Variants in ADGRF1 observed in about 807,000 individuals in gnomAD.
ADGRF1 encodes adhesion G protein-coupled receptor F1, also known as G protein-coupled receptor 110.
A neutral mutation model predicts 87.2 loss-of-function variants in ADGRF1; 85 were observed. The observed-to-expected ratio is 0.97, with a 90% CI of 0.82 to 1.17. The LOEUF (loss-of-function observed/expected upper bound fraction) is 1.17. Among genes scored for constraint, ADGRF1 ranks in the 50% most tolerant of loss-of-function variants. The pLI is 0.00. For missense variants in ADGRF1, 1,169 were observed against 1,077.2 expected (o/e 1.09, Z -1.19); for synonymous variants, 430 against 408.8 (o/e 1.05, Z -0.63).
chr6:47,007,296 T>C lies in ADGRF1; in HGVS notation c.2491-2A>G. ...TCCAAAGCATAAGATAAAAAATCCC[T>C]TTAAAAAGAAAGGAATAAATCACAT... On this transcript the variant is annotated splice_acceptor_variant, in intron 11 of 14. Transcript: ENST00000371253. LOFTEE classifies it high-confidence loss of function. The C allele has an allele frequency of 1.3e-6, 2 of 1,514,478 alleles. No individual in the cohort carries two copies. Among genetic ancestry groups the C allele is most frequent in the Non-Finnish European group, 1.8e-6 (2 of 1,091,894 alleles). The allele number at this position is 1,514,478 out of a possible 1,614,324, so 93.8% of individuals were successfully genotyped here.
At chr6:47,017,771 A>T (rs1779925752) in intron 7 of ADGRF1, 1 of 152,204 alleles carries the variant, frequency 6.6e-6, no homozygotes, top group South Asian at 2.1e-4. Context: ...GATAAAAATC[A>T]TACAAGTGGT....
intron 5 of ADGRF1, among the ~76,000 whole-genome samples, chr6:47,023,755 T>C (rs1367283253): frequency 1.3e-5 from 2 of 152,192 alleles, no homozygotes; most frequent in Non-Finnish European, 2.9e-5. Flanking sequence ...GTTCCTCTTT[T>C]TGGAATTTTA....
chr6:47,027,887 C>T lies in ADGRF1; in HGVS notation c.70-126G>A, dbSNP rs1045027742. On this transcript the variant is annotated intron_variant, in intron 2 of 14. Transcript: ENST00000371253. Reference sequence around the variant, plus strand: ...ATCCAAGCCAGGGATGGTGGAGAGGCGGCCAGGGAAGGCCTCACTGGAGCA... The same window carrying T: ...ATCCAAGCCAGGGATGGTGGAGAGGTGGCCAGGGAAGGCCTCACTGGAGCA... The T allele has an allele frequency of 6.9e-5, 48 of 693,802 alleles. 1 individual carries two copies. Among genetic ancestry groups the T allele is most frequent in the South Asian group, 3.7e-4 (21 of 57,502 alleles). The allele number at this position is 693,802 out of a possible 1,614,324, so 43.0% of individuals were successfully genotyped here. A position where few individuals can be genotyped will look rare whatever the true frequency, so the allele number is the denominator to read the frequency against.
chr6:47,005,914 TACAATCATACACAG>T, intron 12 of ADGRF1, 38 bp from the exon 13 acceptor site: 1 of 1,361,870 alleles, frequency 7.3e-7, no homozygotes, highest in Non-Finnish European at 1.0e-6. Flanking sequence ...GAGATACACA[TACAATCATACACAG>T]ACAAATCAAG....
At chr6:47,030,788 A>C (rs1171520311) in intron 1 of ADGRF1, among the ~76,000 whole-genome samples, 1 of 149,822 alleles carries the variant, frequency 6.7e-6, no homozygotes, top group African/African-American at 2.5e-5. Flanking sequence ...TTTGAGATGG[A>C]GTTTCTCTCT....
At chr6:47,036,549 A>G (rs1234115) in intron 1 of ADGRF1, among the ~76,000 whole-genome samples, 18,858 of 152,166 alleles carry the variant, frequency 0.12, 1,750 homozygotes, top group East Asian at 0.4. Context: ...ACCTTTATAC[A>G]TAAATGGTCA....
intron 10 of ADGRF1, among the ~76,000 whole-genome samples, 158 bp downstream of exon 10, chr6:47,011,849 G>A (rs1028603149): frequency 1.3e-5 from 2 of 152,122 alleles, no homozygotes; most frequent in African/African-American, 2.4e-5. Context: ...TATTGATCCC[G>A]AGTTCCTTGT....
At chr6:47,034,158 G>A (rs754764128) in intron 1 of ADGRF1, among the ~76,000 whole-genome samples, 2 of 152,154 alleles carry the variant, frequency 1.3e-5, no homozygotes, top group Non-Finnish European at 2.9e-5. Flanking sequence ...TGTGGGCTCG[G>A]TTTCCTCCTT....
chr6:47,040,304 C>T (rs1354910121), intron 1 of ADGRF1, among the ~76,000 whole-genome samples: 2 of 151,848 alleles, frequency 1.3e-5, no homozygotes, highest in African/African-American at 4.8e-5. Flanking sequence ...AACCCTGTCT[C>T]TAATAAAAAT....
At chr6:47,023,993 T>G (rs762432987) in intron 5 of ADGRF1, 51 bp downstream of exon 5, 1 of 1,522,840 alleles carries the variant, frequency 6.6e-7, no homozygotes, top group South Asian at 1.2e-5. Flanking sequence ...CCCTCTCTGT[T>G]GCATGTTGGG....
At chr6:47,040,762 T>C (rs938812518) in intron 1 of ADGRF1, among the ~76,000 whole-genome samples, 1 of 152,232 alleles carries the variant, frequency 6.6e-6, no homozygotes, top group African/African-American at 2.4e-5. Flanking sequence ...CATTTATTTA[T>C]ATCCAAATTT....
chr6:47,040,063 T>C (rs1212442192), intron 1 of ADGRF1, among the ~76,000 whole-genome samples: 1 of 152,196 alleles, frequency 6.6e-6, no homozygotes, highest in Non-Finnish European at 1.5e-5. Context: ...CGAGCACTAC[T>C]CTGCTAAGAC....
intron 11 of ADGRF1, 75 bp from the exon 12 acceptor site, chr6:47,007,369 T>A: frequency 1.2e-6 from 1 of 840,042 alleles, no homozygotes; most frequent in Non-Finnish European, 2.0e-6. Flanking sequence ...TATGTAACAC[T>A]ATTCAATCAC....
chr6:47,007,159 C>A, intron 12 of ADGRF1, 94 bp downstream of exon 12: 1 of 676,624 alleles, frequency 1.5e-6, no homozygotes, highest in South Asian at 2.3e-5. Context: ...CCAATAGTCC[C>A]ACCTCTTATT....
chr6:47,027,702 A>G lies in ADGRF1; in HGVS notation c.127+2T>C. ...GCACCATGCTGTCTAACAGAGCCTCACCTAGATGTTTTTTCTTATTCACAA... is the reference window on the plus strand; with the variant it reads ...GCACCATGCTGTCTAACAGAGCCTCGCCTAGATGTTTTTTCTTATTCACAA... On this transcript the variant is annotated splice_donor_variant, in intron 3 of 14. Transcript: ENST00000371253. LOFTEE classifies it high-confidence loss of function. 1 of 1,602,760 alleles carries G rather than the reference A, an allele frequency of 6.2e-7. No homozygotes were observed. The highest frequency in any genetic ancestry group is 8.5e-7 in the Non-Finnish European group (1 of 1,170,046).
At chr6:47,036,184 C>T (rs1008225048) in intron 1 of ADGRF1, among the ~76,000 whole-genome samples, 2 of 152,048 alleles carry the variant, frequency 1.3e-5, no homozygotes, top group Admixed American at 1.3e-4. Flanking sequence ...GAGCCAAGAT[C>T]GCGCCACTGC....
intron 1 of ADGRF1, among the ~76,000 whole-genome samples, chr6:47,030,656 A>T (rs1302421571): frequency 7.0e-6 from 1 of 143,072 alleles, no homozygotes; most frequent in African/African-American, 2.6e-5. Context: ...ATTTCATTTT[A>T]TTAGTAAATT....
chr6:47,018,877 AG>A (rs1779957635), intron 7 of ADGRF1: 1 of 230,930 alleles, frequency 4.3e-6, no homozygotes, highest in African/African-American at 2.3e-5. Flanking sequence ...GAAGATCACT[AG>A]AGCCCAGGAG....
At chr6:47,029,136 G>T in intron 1 of ADGRF1, 32 bp from the exon 2 acceptor site, 1 of 1,248,090 alleles carries the variant, frequency 8.0e-7, no homozygotes, top group East Asian at 2.3e-5. Flanking sequence ...TAAGGTAGAG[G>T]CACAAAAACA....
Sources: allele counts gnomAD v4.1 joint callset (sites outside exome capture counted in the v4.1 genomes callset), GRCh38; gene constraint gnomAD v4.1.1; transcripts MANE v1.5; gene names NCBI Gene and HGNC (gene_info 2026-07-23, HGNC 2026-07-21).